ZC3H4: variants seen among roughly 807,000 people sequenced by gnomAD.
ZC3H4 encodes the protein zinc finger CCCH domain-containing protein 4.
In ZC3H4, 13 loss-of-function variants were observed where a neutral mutation model predicts 108.3. The observed-to-expected ratio is 0.12, with a 90% CI of 0.08 to 0.19. The LOEUF (loss-of-function observed/expected upper bound fraction) is 0.19, where lower values mean the gene tolerates loss of function less well. ZC3H4 is among the 10% of genes least tolerant of loss of function. The pLI is 1.00. For missense variants in ZC3H4, 1,734 were observed against 1,838.8 expected (o/e 0.94, Z 1.04); for synonymous variants, 917 against 749.6 (o/e 1.22, Z -3.65).
chr19:47,088,853 G>C (rs1158387014), intron 5 of ZC3H4, among the ~76,000 whole-genome samples: 1 of 152,100 alleles, frequency 6.6e-6, no homozygotes, highest in Admixed American at 6.5e-5. Context: ...TGACAGCACT[G>C]GCCTAGGATC....
At chr19:47,075,448 CCCT>C (rs937256330) in intron 11 of ZC3H4, among the ~76,000 whole-genome samples, 4 of 151,990 alleles carry the variant, frequency 2.6e-5, no homozygotes, top group Admixed American at 6.5e-5. Flanking sequence ...CCCTGCATCT[CCCT>C]CCTCCTCCTC....
intron 13 of ZC3H4, among the ~76,000 whole-genome samples, chr19:47,071,291 C>T (rs1047361775): frequency 2.0e-5 from 3 of 152,118 alleles, no homozygotes; most frequent in Admixed American, 6.5e-5. Flanking sequence ...GCTGCAGCAG[C>T]GTCATCTAAA....
intron 1 of ZC3H4, among the ~76,000 whole-genome samples, chr19:47,112,799 G>T (rs1477801490): frequency 6.6e-6 from 1 of 152,106 alleles, no homozygotes; most frequent in Non-Finnish European, 1.5e-5. Flanking sequence ...CACCCTTGCG[G>T]TCACTCGCTC....
intron 8 of ZC3H4, 101 bp downstream of exon 8, chr19:47,084,955 G>A: frequency 1.1e-5 from 17 of 1,513,580 alleles, no homozygotes; most frequent in Non-Finnish European, 1.4e-5. Flanking sequence ...GGGGGTGGCT[G>A]ATGGCAGCAA....
intron 11 of ZC3H4, among the ~76,000 whole-genome samples, chr19:47,080,026 G>T (rs561341327): frequency 2.0e-5 from 3 of 152,166 alleles, no homozygotes; most frequent in Non-Finnish European, 4.4e-5. Flanking sequence ...CCCCTCACAG[G>T]GGTGCCCCTG....
chr19:47,078,499 T>G (rs2057462395), intron 11 of ZC3H4, among the ~76,000 whole-genome samples: 1 of 148,282 alleles, frequency 6.7e-6, no homozygotes, highest in Non-Finnish European at 1.5e-5. Flanking sequence ...AAACAAAAAA[T>G]TAGCCAGGCG....
chr19:47,112,683 G>A (rs896658468), intron 1 of ZC3H4, 94 bp from the exon 2 acceptor site: 3 of 707,862 alleles, frequency 4.2e-6, no homozygotes, highest in South Asian at 7.2e-5. Context: ...TGATGGGAAT[G>A]GGGTATATAT....
Position 47,064,792 on chromosome 19 carries a change from C to G in ZC3H4, c.*1564G>C, listed in dbSNP as rs529862521. ...AGATCCCAGCACTGACCCCTCAGGG[C>G]TGTGCAGCCCTGTAGGACACCCTGC... On this transcript the variant is annotated 3_prime_UTR_variant, in exon 15 of 15. Transcript: ENST00000253048. 1 of 151,558 alleles carries G rather than the reference C, an allele frequency of 6.6e-6. No homozygotes were observed. Among genetic ancestry groups the G allele is most frequent in the Non-Finnish European group, 1.5e-5 (1 of 67,876 alleles). The allele number at this position is 151,558 out of a possible 1,614,324, so 9.4% of individuals were successfully genotyped here. A position where few individuals can be genotyped will look rare whatever the true frequency, so the allele number is the denominator to read the frequency against.
At chr19:47,086,657 T>G (rs929900683) in intron 5 of ZC3H4, 119 bp from the exon 6 acceptor site, 1 of 1,416,934 alleles carries the variant, frequency 7.1e-7, no homozygotes, top group Admixed American at 3.1e-5. Flanking sequence ...CTCCTTCTCC[T>G]CCTCCTCCTC....
intron 11 of ZC3H4, among the ~76,000 whole-genome samples, chr19:47,078,968 G>T (rs186175640): frequency 6.6e-6 from 1 of 150,944 alleles, no homozygotes; most frequent in Non-Finnish European, 1.5e-5. Flanking sequence ...CGAAGGTTGC[G>T]GTGAGCAGAG....
At chr19:47,084,535 G>A in intron 8 of ZC3H4, 80 bp from the exon 9 acceptor site, 1 of 1,394,362 alleles carries the variant, frequency 7.2e-7, no homozygotes, top group South Asian at 1.2e-5. Context: ...AGAAGCACGG[G>A]AGAAGGGGAT....
rs1409909835 is a variant in ZC3H4, at chr19:47,067,329, T to G, written c.2939A>C (p.Asn980Thr). The G allele has an allele frequency of 1.3e-6, 2 of 1,599,684 alleles. No individual in the cohort carries two copies. The highest frequency in any genetic ancestry group is 1.7e-5 in the Admixed American group (1 of 58,530). The change falls in exon 15 of 15, where the codon AAT (asparagine) becomes ACT (threonine). Residue 980 changes from asparagine to threonine, a missense_variant. Physicochemically the swap from Asn to Thr is moderately conservative, Grantham distance 65 (BLOSUM62 0). Coordinates refer to ENST00000253048, the MANE Select transcript of ZC3H4 (RefSeq NM_015168.2). The surrounding 1 kb of genome is among the most constrained non-coding windows in gnomAD (Gnocchi z 6.4). The stretch of plus-strand genomic sequence containing the variant: ...GGGTAGGGGGATCAGGTCCTCGGGA[T>G]TCCAGAGCACGGTGCGGGCGAAGCT... ...KPSFARTVLWNPEDLIPLPIP... is the reference protein window; with the variant it reads ...KPSFARTVLWTPEDLIPLPIP...
At position 47,085,183 on chromosome 19, in the gene ZC3H4, C is replaced by T; in HGVS notation, c.980G>A (p.Gly327Asp). 6.2e-7 allele frequency: 1 copy of T among 1,613,636 alleles called. No individual in the cohort carries two copies. Among genetic ancestry groups the T allele is most frequent in the Non-Finnish European group, 8.5e-7 (1 of 1,179,914 alleles). ...TCGACCTCGGGAGCCCCTGCCACGG[C>T]CTCGACTTAGCCCTGTGGAGGGGAG... is the stretch of plus-strand genomic sequence containing the variant. ...KDSRGRGLSR[G>D]RGRGSRGRGK... The change falls in exon 8 of 15, where the codon GGC becomes GAC. Residue 327 changes from glycine (G) to aspartate (D), a missense_variant. By Grantham distance (94) the Gly-to-Asp change is moderately conservative. Transcript: ENST00000253048.
rs1005852970 is a variant in ZC3H4 at position 47,072,925 on chromosome 19, A to G, written c.1441-212T>C. Reference sequence around the variant, plus strand: ...GGGACCAGCTGGTAGAGGGGGGGCCATTCCTGCTCTATGGCAAAATACACA... The same window carrying G: ...GGGACCAGCTGGTAGAGGGGGGGCCGTTCCTGCTCTATGGCAAAATACACA... On this transcript the variant is annotated intron_variant, in intron 11 of 14. Coordinates refer to ENST00000253048, the MANE Select transcript of ZC3H4 (RefSeq NM_015168.2). This position sits in a 1 kb window ranked among gnomAD's most constrained non-coding sequence, Gnocchi z 5.6. 4.6e-5 allele frequency among the ~76,000 whole-genome samples: 7 copies of G among 152,186 alleles called. No homozygotes were observed. Among genetic ancestry groups the G allele is most frequent in the Non-Finnish European group, 8.8e-5 (6 of 68,030 alleles).
In ZC3H4 at chr19:47,087,948, C is replaced by T. The variant is rs182457067; in HGVS notation, c.716-1410G>A. Among the ~76,000 whole-genome samples, 1,100 of 151,662 alleles carry T rather than the reference C, an allele frequency of 7.3e-3. 16 individuals are homozygous for T. The highest frequency in any genetic ancestry group is 0.026 in the African/African-American group (1,066 of 41,320). Reference sequence around the variant, plus strand: ...CAACACTTTGGGAGGCTGAGGCGGGCGGATCACGAAGTCAGGAGATCGAGA... The same window carrying T: ...CAACACTTTGGGAGGCTGAGGCGGGTGGATCACGAAGTCAGGAGATCGAGA... On this transcript the variant is annotated intron_variant, in intron 5 of 14. Coordinates refer to ENST00000253048, the MANE Select transcript of ZC3H4 (RefSeq NM_015168.2).
chr19:47,095,261 T>TG (rs2057803246), intron 2 of ZC3H4, among the ~76,000 whole-genome samples: 1 of 152,172 alleles, frequency 6.6e-6, no homozygotes. Flanking sequence ...CAGGCAGGCC[T>TG]GGGCTGTGGC....
intron 2 of ZC3H4, among the ~76,000 whole-genome samples, chr19:47,107,489 C>T (rs1001456387): frequency 2.0e-5 from 3 of 152,000 alleles, no homozygotes; most frequent in Non-Finnish European, 4.4e-5. Context: ...TTGCCACCTC[C>T]GACATTCAAA....
At chr19:47,088,029 CG>C (rs1727774134) in intron 5 of ZC3H4, among the ~76,000 whole-genome samples, 1 of 151,536 alleles carries the variant, frequency 6.6e-6, no homozygotes, top group African/African-American at 2.4e-5. Context: ...AAAAATTAGC[CG>C]GGCGTGGCGG....
At position 47,064,922 on chromosome 19, in the gene ZC3H4, G is replaced by C. The variant is rs973323262; in HGVS notation, c.*1434C>G. On this transcript the variant is annotated 3_prime_UTR_variant, in exon 15 of 15. Coordinates refer to ENST00000253048, the MANE Select transcript of ZC3H4 (RefSeq NM_015168.2). ...GAGGAGGAGGGAAGGGGAATCCCTTGGCAGGTAACTAGGTCTCTTCATGGT... is the reference window on the plus strand; with the variant it reads ...GAGGAGGAGGGAAGGGGAATCCCTTCGCAGGTAACTAGGTCTCTTCATGGT... 6.6e-6 allele frequency: 1 copy of C among 152,104 alleles called. No individual in the cohort carries two copies. Among genetic ancestry groups the C allele is most frequent in the African/African-American group, 2.4e-5 (1 of 41,398 alleles). 9.4% of individuals were successfully genotyped at this position (152,104 alleles called of 1,614,324 possible). A position where few individuals can be genotyped will look rare whatever the true frequency, so the allele number is the denominator to read the frequency against.
Sources: gnomAD v4.1 joint callset for allele counts (sites outside exome capture counted in the v4.1 genomes callset) on GRCh38, gnomAD v4.1.1 for gene constraint, Gnocchi (gnomAD v3.1) non-coding constraint, MANE v1.5 for transcripts, NCBI Gene and HGNC (gene_info 2026-07-23, HGNC 2026-07-21) for gene names.